The following CDH13 variants were observed in gnomAD, a reference collection of about 807,000 sequenced individuals.
The protein encoded by CDH13 is cadherin-13.
In CDH13, 24 loss-of-function variants were observed where a neutral mutation model predicts 63.8. The ratio of observed to expected loss-of-function variants is 0.38; its 90% CI spans 0.27 to 0.53. The LOEUF (loss-of-function observed/expected upper bound fraction) is 0.53. Ranked by LOEUF, CDH13 falls within the 20% of genes least tolerant of loss-of-function variation. The probability of loss-of-function intolerance (pLI) is 0.85; values close to 1 mark genes in which losing one functional copy is unlikely to be tolerated. For synonymous variants in CDH13, 503 were observed against 355.3 expected, an observed-to-expected ratio of 1.42 and a Z score of -4.67; for missense variants, 1,049 against 903.1, an observed-to-expected ratio of 1.16 and a Z score of -2.07.
chr16:83,129,095 A>G (rs895632430), intron 4 of CDH13, among the ~76,000 whole-genome samples: 1 of 151,844 alleles, frequency 6.6e-6, no homozygotes, highest in South Asian at 2.1e-4. Flanking sequence ...ATCCTCATCA[A>G]CTCCACCACA....
At chr16:82,792,903 TC>T (rs1173016692) in intron 1 of CDH13, among the ~76,000 whole-genome samples, 1 of 148,058 alleles carries the variant, frequency 6.8e-6, no homozygotes, top group Non-Finnish European at 1.5e-5. Context: ...CCTGGCACTC[TC>T]CCAAAGGCAC....
At chr16:83,558,863 C>T (rs1458230042) in intron 7 of CDH13, among the ~76,000 whole-genome samples, 7 of 152,130 alleles carry the variant, frequency 4.6e-5, no homozygotes, top group Non-Finnish European at 8.8e-5. Flanking sequence ...TGTGGTCATG[C>T]GTAGTGTGCG....
intron 11 of CDH13, among the ~76,000 whole-genome samples, chr16:83,776,378 C>T (rs998763749): frequency 2.0e-5 from 3 of 152,146 alleles, no homozygotes; most frequent in East Asian, 3.8e-4. Context: ...CTAAAACTGA[C>T]AGTGAAAAAC....
At chr16:83,581,550 G>A (rs1905600400) in intron 7 of CDH13, among the ~76,000 whole-genome samples, 1 of 152,154 alleles carries the variant, frequency 6.6e-6, no homozygotes, top group South Asian at 2.1e-4. Flanking sequence ...CAGGCACAGT[G>A]GCTCACACCT....
chr16:83,785,860 C>G (rs915415706), intron 13 of CDH13, among the ~76,000 whole-genome samples: 1 of 152,132 alleles, frequency 6.6e-6, no homozygotes, highest in Admixed American at 6.5e-5. Flanking sequence ...AAATCAGGAC[C>G]GTCCTGGTGA....
chr16:83,620,062 C>T (rs552896138), intron 8 of CDH13, among the ~76,000 whole-genome samples: 1 of 151,436 alleles, frequency 6.6e-6, no homozygotes, highest in Non-Finnish European at 1.5e-5. Context: ...GGATTTATTC[C>T]AAGTGCATGG....
rs759333350 is a variant in CDH13 at position 83,613,621 on chromosome 16, AG to A, written c.1101+11029del. Among the ~76,000 whole-genome samples, 219 of 152,244 alleles carry A rather than the reference AG, an allele frequency of 1.4e-3. 2 individuals are homozygous for A. Among genetic ancestry groups the A allele is most frequent in the Non-Finnish European group, 1.5e-3 (103 of 68,020 alleles). ...ACCGGTGGGCAGATCACTTGAGGTC[AG>A]GAGTTCAACACCAGCCTGGCCAACA... On this transcript the variant is annotated intron_variant, in intron 8 of 13. Transcript: ENST00000567109.
intron 4 of CDH13, among the ~76,000 whole-genome samples, chr16:83,127,700 A>G (rs1052342586): frequency 5.9e-5 from 9 of 152,174 alleles, no homozygotes; most frequent in Non-Finnish European, 4.4e-5. Flanking sequence ...GTACTCCAGC[A>G]TGGGCGACAG....
intron 5 of CDH13, among the ~76,000 whole-genome samples, chr16:83,259,400 C>G (rs995766861): frequency 6.6e-6 from 1 of 152,104 alleles, no homozygotes; most frequent in Non-Finnish European, 1.5e-5. Context: ...GTCTCCTGAG[C>G]GTGGGGAGAA....
At chr16:83,464,206 C>T (rs1366932342) in intron 6 of CDH13, among the ~76,000 whole-genome samples, 1 of 150,736 alleles carries the variant, frequency 6.6e-6, no homozygotes, top group South Asian at 2.1e-4. Context: ...ATTACAGGCA[C>T]ACACCACTAT....
At chr16:83,191,466 TATATATATATATATATATATATGCAC>T (rs1275540243) in intron 4 of CDH13, among the ~76,000 whole-genome samples, 4 of 116,182 alleles carry the variant, frequency 3.4e-5, no homozygotes, top group African/African-American at 1.3e-4. Context: ...GAAATATATA[TATATATATATATATATATATATGCAC>T]ATATATATAT....
At chr16:83,326,143 T>C (rs12325503) in intron 5 of CDH13, among the ~76,000 whole-genome samples, 11,987 of 152,272 alleles carry the variant, frequency 0.079, 654 homozygotes, top group Non-Finnish European at 0.12. Flanking sequence ...GTGCAGGGTC[T>C]AGGTCTTTTA....
intron 4 of CDH13, among the ~76,000 whole-genome samples, chr16:83,154,099 C>T (rs2037104355): frequency 6.6e-6 from 1 of 152,106 alleles, no homozygotes. Context: ...GCGTGTGAGT[C>T]ACAGTCACAT....
intron 6 of CDH13, among the ~76,000 whole-genome samples, chr16:83,446,857 T>A (rs1221365159): frequency 1.3e-5 from 2 of 152,024 alleles, no homozygotes; most frequent in Non-Finnish European, 2.9e-5. Flanking sequence ...GGGGGGCTTT[T>A]AAAAGTTATG....
At chr16:83,336,185 C>T (rs965004120) in intron 5 of CDH13, among the ~76,000 whole-genome samples, 2 of 151,402 alleles carry the variant, frequency 1.3e-5, no homozygotes, top group Admixed American at 1.3e-4. Flanking sequence ...TCTGTAATCG[C>T]AGCTACTCAG....
chr16:83,191,012 T>C (rs1159756838), intron 4 of CDH13, among the ~76,000 whole-genome samples: 1 of 151,852 alleles, frequency 6.6e-6, no homozygotes, highest in Non-Finnish European at 1.5e-5. Context: ...GGTTAAACTT[T>C]TTGCAAATAA....
intron 5 of CDH13, among the ~76,000 whole-genome samples, chr16:83,283,060 G>A (rs1331137920): frequency 2.6e-5 from 4 of 152,172 alleles, no homozygotes; most frequent in Admixed American, 6.5e-5. Flanking sequence ...AAGAAGAAAA[G>A]TTCCCACTTA....
intron 2 of CDH13, chr16:82,858,933 T>C (rs1450312172): frequency 6.0e-6 from 1 of 166,324 alleles, no homozygotes; most frequent in Non-Finnish European, 1.3e-5. Context: ...AAAACTCTTA[T>C]TCTTAAGGCT....
At position 82,697,787 on chromosome 16, in the gene CDH13, G is replaced by T. The variant is rs7193015; in HGVS notation, c.45+70650G>T. ...TGTGTGTGTGTGTGTGTGTGTGTGTGTAAGTTTTTTCATGAATTCAAAACA... is the reference window on the plus strand; with the variant it reads ...TGTGTGTGTGTGTGTGTGTGTGTGTTTAAGTTTTTTCATGAATTCAAAACA... On this transcript the variant is annotated intron_variant, in intron 1 of 13. Coordinates refer to ENST00000567109, the MANE Select transcript of CDH13 (RefSeq NM_001257.5). Among the ~76,000 whole-genome samples the T allele has an allele frequency of 1.0e-3, 109 of 106,330 alleles. 1 individual carries two copies. The highest frequency in any genetic ancestry group is 4.3e-3 in the African/African-American group (105 of 24,502). The allele number at this position is 106,330 out of a possible 152,430, so 69.8% of individuals were successfully genotyped here.
Sources: gnomAD v4.1 joint callset for allele counts (sites outside exome capture counted in the v4.1 genomes callset) on GRCh38, gnomAD v4.1.1 for gene constraint, MANE v1.5 for transcripts, NCBI Gene and HGNC (gene_info 2026-07-23, HGNC 2026-07-21) for gene names.